AJAP1: variants seen among roughly 807,000 people sequenced by gnomAD.
AJAP1 encodes adherens junctions associated protein 1.
Under a neutral mutation model 35.0 loss-of-function variants are expected in AJAP1, and 5 were observed. The ratio of observed to expected loss-of-function variants is 0.14; its 90% CI spans 0.07 to 0.30. The LOEUF is 0.30. AJAP1 is among the 10% of genes least tolerant of loss of function. The pLI, the probability that AJAP1 is intolerant of heterozygous loss-of-function variation, is 1.00. For missense variants in AJAP1, 586 were observed against 571.0 expected, an observed-to-expected ratio of 1.03 and a Z score of -0.27; for synonymous variants, 284 against 249.3, an observed-to-expected ratio of 1.14 and a Z score of -1.31.
At chr1:4,702,988 G>A (rs1456204327) in intron 1 of AJAP1, among the ~76,000 whole-genome samples, 7 of 152,148 alleles carry the variant, frequency 4.6e-5, no homozygotes, top group African/African-American at 1.2e-4. Flanking sequence ...GTTTCTGTCC[G>A]ACCCAAATGA....
intron 2 of AJAP1, among the ~76,000 whole-genome samples, chr1:4,752,909 C>T (rs1641350507): frequency 6.6e-6 from 1 of 152,208 alleles, no homozygotes; most frequent in South Asian, 2.1e-4. Flanking sequence ...ACCTGTTTTG[C>T]TCACACCTCC....
chr1:4,779,550 G>A (rs190013247), intron 5 of AJAP1, among the ~76,000 whole-genome samples: 5 of 152,196 alleles, frequency 3.3e-5, no homozygotes, highest in Admixed American at 3.3e-4. Context: ...TTATTCTCCT[G>A]TTTAAGGTCA....
At chr1:4,740,196 A>G (rs1641023852) in intron 2 of AJAP1, among the ~76,000 whole-genome samples, 1 of 151,726 alleles carries the variant, frequency 6.6e-6, no homozygotes, top group Non-Finnish European at 1.5e-5. Context: ...ACCAAAGGAA[A>G]TTACAGCATA....
Position 4,734,603 on chromosome 1 carries a change from C to G in AJAP1, c.829+21904C>G, listed in dbSNP as rs1051192004. Among the ~76,000 whole-genome samples the G allele has an allele frequency of 1.3e-5, 2 of 152,198 alleles. No individual in the cohort carries two copies. The highest frequency in any genetic ancestry group is 2.4e-5 in the African/African-American group (1 of 41,446). On this transcript the variant is annotated intron_variant, in intron 2 of 5. Coordinates refer to ENST00000378191, the MANE Select transcript of AJAP1 (RefSeq NM_018836.4). This position sits in a 1 kb window ranked among gnomAD's most constrained non-coding sequence, Gnocchi z 4.3. ...GAAGTGGAGACAGGGATTAAGGAGT[C>G]TGTCCAGGTCTGCCCATGAATGAAT...
intron 1 of AJAP1, among the ~76,000 whole-genome samples, chr1:4,685,719 C>T (rs1639590018): frequency 6.6e-6 from 1 of 152,196 alleles, no homozygotes; most frequent in Admixed American, 6.5e-5. Context: ...TTAGGGTGCA[C>T]CGTTGGGGGG....
intron 2 of AJAP1, among the ~76,000 whole-genome samples, chr1:4,740,709 C>A (rs1184553093): frequency 6.9e-6 from 1 of 145,384 alleles, no homozygotes; most frequent in Non-Finnish European, 1.5e-5. Context: ...TGGCGGGAAC[C>A]CGGGAGGAGG....
At chr1:4,736,455 C>T (rs765204335) in intron 2 of AJAP1, among the ~76,000 whole-genome samples, 17 of 152,260 alleles carry the variant, frequency 1.1e-4, no homozygotes, top group Non-Finnish European at 1.8e-4. Context: ...GCCACAAGTA[C>T]TTCCCCTCCC....
chr1:4,686,167 G>A (rs1315138349), intron 1 of AJAP1, among the ~76,000 whole-genome samples: 1 of 152,228 alleles, frequency 6.6e-6, no homozygotes, highest in Non-Finnish European at 1.5e-5. Flanking sequence ...CTTGAAGCCA[G>A]TAGTGTCTCC....
intron 1 of AJAP1, among the ~76,000 whole-genome samples, chr1:4,697,861 G>T (rs1639901468): frequency 6.6e-6 from 1 of 152,362 alleles, no homozygotes; most frequent in South Asian, 2.1e-4. Flanking sequence ...CTGGTCCTGG[G>T]CCTGTCCTCA....
rs558060074 is a variant in AJAP1, at chr1:4,767,411, CCAA to C, written c.830-2439_830-2437del. Among the ~76,000 whole-genome samples, 29 of 151,376 alleles carry C rather than the reference CCAA, an allele frequency of 1.9e-4. No homozygotes were observed. The East Asian group carries it at 2.2e-3, about 11-fold the overall frequency. On this transcript the variant is annotated intron_variant, in intron 2 of 5. Coordinates refer to ENST00000378191, the MANE Select transcript of AJAP1 (RefSeq NM_018836.4). ...ACCACCATCATCATCGTTACCACCA[CCAA>C]CATCATCGTTACCATCACTATCATC...
intron 2 of AJAP1, among the ~76,000 whole-genome samples, chr1:4,761,236 C>A (rs545256276): frequency 6.6e-6 from 1 of 152,306 alleles, no homozygotes; most frequent in Admixed American, 6.5e-5. Context: ...TGAGATTTTG[C>A]CAAGAAGATG....
chr1:4,747,423 G>A (rs773072198), intron 2 of AJAP1, among the ~76,000 whole-genome samples: 50 of 152,172 alleles, frequency 3.3e-4, no homozygotes, highest in Non-Finnish European at 6.3e-4. Flanking sequence ...GGGTTGGCCA[G>A]GGCCTCCTCC....
At position 4,723,380 on chromosome 1, in the gene AJAP1, T is replaced by G. The variant is rs1640569282; in HGVS notation, c.829+10681T>G. Among the ~76,000 whole-genome samples the G allele has an allele frequency of 6.6e-6, 1 of 151,532 alleles. No individual in the cohort carries two copies. The highest frequency in any genetic ancestry group is 2.4e-5 in the African/African-American group (1 of 41,174). ...TAGAAGCTCAGCGGAGCCTCGGGTG[T>G]GTGGAAGGTCTGGAAGGCCATGGAG... On this transcript the variant is annotated intron_variant, in intron 2 of 5. Transcript: ENST00000378191. This position sits in a 1 kb window ranked among gnomAD's most constrained non-coding sequence, Gnocchi z 4.3.
chr1:4,761,139 A>G (rs2100346727), intron 2 of AJAP1, among the ~76,000 whole-genome samples: 1 of 152,242 alleles, frequency 6.6e-6, no homozygotes, highest in Middle Eastern at 3.4e-3. Context: ...CTGCCAGTGA[A>G]TTCATTTCCC....
chr1:4,664,799 T>A (rs1041228460), intron 1 of AJAP1, among the ~76,000 whole-genome samples: 5 of 152,270 alleles, frequency 3.3e-5, no homozygotes, highest in African/African-American at 1.2e-4. Flanking sequence ...TATCCTGCTG[T>A]GGATTCAATT....
intron 2 of AJAP1, among the ~76,000 whole-genome samples, chr1:4,761,002 A>C (rs1641551863): frequency 6.6e-6 from 1 of 152,224 alleles, no homozygotes; most frequent in Admixed American, 6.5e-5. Context: ...ATGGCCCCGA[A>C]GGGTGCTGTT....
chr1:4,747,017 C>T (rs1005377808), intron 2 of AJAP1, among the ~76,000 whole-genome samples: 13 of 152,194 alleles, frequency 8.5e-5, no homozygotes, highest in Admixed American at 2.0e-4. Context: ...AGGACAAGAC[C>T]GTGTTCACGT....
chr1:4,772,442 C>T lies in AJAP1; in HGVS notation c.1080C>T (p.Cys360=), dbSNP rs1288652834. 48 of 1,614,110 alleles carry T rather than the reference C, an allele frequency of 3.0e-5. No individual in the cohort carries two copies. Among genetic ancestry groups the T allele is most frequent in the South Asian group, 3.3e-5 (3 of 91,092 alleles). The change falls in exon 4 of 6, where the codon TGC becomes TGT. Residue 360 remains cysteine, a synonymous_variant. Transcript: ENST00000378191. ...AGACCCTGCAGTGTTCTCACGAGTG[C>T]GTCAGGGCATCTGTGCCCGTGTACA... ...YNETLQCSHE[C]VRASVPVYTD... is the part of the protein sequence containing the mutation.
chr1:4,696,966 C>G (rs1178349597), intron 1 of AJAP1, among the ~76,000 whole-genome samples: 1 of 151,956 alleles, frequency 6.6e-6, no homozygotes. Flanking sequence ...GTATGTGTGT[C>G]TCTGTATGTG....
Sources: allele counts gnomAD v4.1 joint callset (sites outside exome capture counted in the v4.1 genomes callset), GRCh38; gene constraint gnomAD v4.1.1; non-coding constraint Gnocchi (gnomAD v3.1); transcripts MANE v1.5; gene names NCBI Gene and HGNC (gene_info 2026-07-23, HGNC 2026-07-21).